NELL2: variants seen among roughly 807,000 people sequenced by gnomAD.
The protein encoded by NELL2 is protein kinase C-binding protein NELL2.
A neutral mutation model predicts 109.6 loss-of-function variants in NELL2; 41 were observed. The ratio of observed to expected loss-of-function variants is 0.37; its 90% CI spans 0.29 to 0.49. NELL2 has a LOEUF of 0.49. NELL2 is among the 20% of genes least tolerant of loss of function. The pLI is 0.98. For missense variants in NELL2, 900 were observed against 1,008.3 expected, an observed-to-expected ratio of 0.89 and a Z score of 1.45; for synonymous variants, 355 against 344.7, an observed-to-expected ratio of 1.03 and a Z score of -0.33.
intron 12 of NELL2, among the ~76,000 whole-genome samples, chr12:44,669,498 C>A (rs1282041106): frequency 6.6e-6 from 1 of 151,922 alleles, no homozygotes; most frequent in African/African-American, 2.4e-5. Flanking sequence ...ACAAAGAAAT[C>A]AGGGAAACAA....
chr12:44,747,359 T>A (rs913140902), intron 9 of NELL2, among the ~76,000 whole-genome samples: 1 of 151,772 alleles, frequency 6.6e-6, no homozygotes, highest in Non-Finnish European at 1.5e-5. Context: ...AAATGACGAG[T>A]TAATGGGTGC....
chr12:44,533,098 T>A lies in NELL2; in HGVS notation c.1664-377A>T, dbSNP rs1335515737. The stretch of plus-strand genomic sequence containing the variant: ...ATAGGTGAAGTGTCACTTAAGCCAG[T>A]TAAGGAGTGATAAGTGTCACCTCTA... On this transcript the variant is annotated intron_variant, in intron 15 of 19. Coordinates refer to ENST00000429094, the MANE Select transcript of NELL2 (RefSeq NM_001145108.2). 2.0e-5 allele frequency among the ~76,000 whole-genome samples: 3 copies of A among 152,140 alleles called. No homozygotes were observed. In the East Asian group the frequency reaches 5.8e-4, roughly 29 times the overall value.
Position 44,617,880 on chromosome 12 carries a change from G to A in NELL2, c.1445-6910C>T, listed in dbSNP as rs182595599. Among the ~76,000 whole-genome samples, 15 of 151,846 alleles carry A rather than the reference G, an allele frequency of 9.9e-5. No homozygotes were observed. The East Asian group carries it at 2.7e-3, about 27-fold the overall frequency. ...TTTTCCATTTCATTTTAATTCTGTG[G>A]AGAAAGCCTAAATGTCCCACAGTGT... On this transcript the variant is annotated intron_variant, in intron 13 of 19. Coordinates refer to ENST00000429094, the MANE Select transcript of NELL2 (RefSeq NM_001145108.2).
In NELL2 at chr12:44,647,189, C is replaced by G. The variant is rs558280767; in HGVS notation, c.1444+18295G>C. Among the ~76,000 whole-genome samples, 5 of 152,234 alleles carry G rather than the reference C, an allele frequency of 3.3e-5. No individual in the cohort carries two copies. In the East Asian group the frequency reaches 5.8e-4, roughly 18 times the overall value. ...CCTATACAAATCCATCCGGGACTGG[C>G]ACTGATATATAACCTAAAGAACACG... On this transcript the variant is annotated intron_variant, in intron 13 of 19. Transcript: ENST00000429094.
chr12:44,536,895 T>A (rs1942312756), intron 15 of NELL2, among the ~76,000 whole-genome samples: 1 of 151,734 alleles, frequency 6.6e-6, no homozygotes. Flanking sequence ...GGGATCAGTA[T>A]TGACTTAGAT....
At chr12:44,595,457 C>T (rs1357979155) in intron 15 of NELL2, among the ~76,000 whole-genome samples, 4 of 152,182 alleles carry the variant, frequency 2.6e-5, no homozygotes, top group Non-Finnish European at 5.9e-5. Context: ...GATGGAGTCT[C>T]GCTCTGTCGC....
At chr12:44,539,204 A>C (rs1019642763) in intron 15 of NELL2, among the ~76,000 whole-genome samples, 3 of 152,200 alleles carry the variant, frequency 2.0e-5, no homozygotes, top group African/African-American at 7.2e-5. Flanking sequence ...CTTAATTAAT[A>C]TAATTTTAAT....
chr12:44,872,325 A>G (rs955210850), intron 2 of NELL2, among the ~76,000 whole-genome samples: 3 of 152,166 alleles, frequency 2.0e-5, no homozygotes, highest in Admixed American at 6.5e-5. Flanking sequence ...ATATTTATTA[A>G]GGTGTAATCT....
At chr12:44,684,796 T>C (rs1948657102) in intron 12 of NELL2, among the ~76,000 whole-genome samples, 1 of 152,208 alleles carries the variant, frequency 6.6e-6, no homozygotes, top group Non-Finnish European at 1.5e-5. Flanking sequence ...TTTGTTATAA[T>C]TTCTGTTCTT....
chr12:44,599,149 C>G (rs1945095757), intron 15 of NELL2, among the ~76,000 whole-genome samples: 1 of 152,096 alleles, frequency 6.6e-6, no homozygotes, highest in African/African-American at 2.4e-5. Context: ...GAAAAGATCT[C>G]AGACTTCACA....
intron 2 of NELL2, among the ~76,000 whole-genome samples, chr12:44,842,117 A>AAGGAAGGG (rs1944248269): frequency 3.6e-5 from 1 of 27,968 alleles, no homozygotes; most frequent in Non-Finnish European, 9.9e-5. Context: ...GGGAGGAAGG[A>AAGGAAGGG]AGGAAGGAAG....
intron 9 of NELL2, among the ~76,000 whole-genome samples, chr12:44,763,558 A>G (rs1317748776): frequency 3.9e-5 from 6 of 152,218 alleles, no homozygotes; most frequent in Non-Finnish European, 8.8e-5. Context: ...GTAAATTACA[A>G]TATCCTAAAA....
chr12:44,542,890 T>C (rs1157316529), intron 15 of NELL2, among the ~76,000 whole-genome samples: 3 of 152,268 alleles, frequency 2.0e-5, no homozygotes, highest in South Asian at 4.1e-4. Flanking sequence ...TATGTAGCCA[T>C]AGCCAAAGAA....
chr12:44,606,801 G>A (rs1025989215), intron 15 of NELL2, among the ~76,000 whole-genome samples: 5 of 151,904 alleles, frequency 3.3e-5, no homozygotes, highest in African/African-American at 7.3e-5. Context: ...GTGTGTTCTC[G>A]GCACTGAGTT....
intron 15 of NELL2, among the ~76,000 whole-genome samples, chr12:44,574,950 T>C (rs771284253): frequency 6.6e-6 from 1 of 152,234 alleles, no homozygotes; most frequent in African/African-American, 2.4e-5. Context: ...ATAGGATTCA[T>C]ACTATTCTCT....
At chr12:44,590,019 C>T (rs573360980) in intron 15 of NELL2, among the ~76,000 whole-genome samples, 2 of 152,282 alleles carry the variant, frequency 1.3e-5, no homozygotes, top group African/African-American at 4.8e-5. Flanking sequence ...CAACTCCTAA[C>T]TTACAGTTTA....
intron 15 of NELL2, among the ~76,000 whole-genome samples, chr12:44,538,961 C>A (rs1659121014): frequency 6.6e-6 from 1 of 152,078 alleles, no homozygotes; most frequent in African/African-American, 2.4e-5. Context: ...CTAAAATGTT[C>A]TTTTTCTCAT....
At chr12:44,556,469 A>T (rs1429885866) in intron 15 of NELL2, among the ~76,000 whole-genome samples, 1 of 152,184 alleles carries the variant, frequency 6.6e-6, no homozygotes, top group Non-Finnish European at 1.5e-5. Flanking sequence ...CATCAGTCCA[A>T]TGGTACTAGA....
At chr12:44,542,886 G>A (rs768295674) in intron 15 of NELL2, among the ~76,000 whole-genome samples, 1 of 152,158 alleles carries the variant, frequency 6.6e-6, no homozygotes, top group African/African-American at 2.4e-5. Context: ...GAGTTATGTA[G>A]CCATAGCCAA....
Sources: gnomAD v4.1 joint callset for allele counts (sites outside exome capture counted in the v4.1 genomes callset) on GRCh38, gnomAD v4.1.1 for gene constraint, MANE v1.5 for transcripts, NCBI Gene and HGNC (gene_info 2026-07-23, HGNC 2026-07-21) for gene names.